ARPC1A: variants seen among roughly 807,000 people sequenced by gnomAD.
ARPC1A encodes the protein actin related protein 2/3 complex subunit 1A, also known as actin-related protein 2/3 complex subunit 1A.
A neutral mutation model predicts 46.9 loss-of-function variants in ARPC1A; 8 were observed. The ratio of observed to expected loss-of-function variants is 0.17; its 90% CI spans 0.10 to 0.31. ARPC1A has a LOEUF of 0.31. Among genes scored for constraint, ARPC1A ranks in the 10% least tolerant of loss-of-function variants. The pLI is 1.00. For synonymous variants in ARPC1A, 152 were observed against 169.0 expected, an observed-to-expected ratio of 0.90 and a Z score of 0.78; for missense variants, 286 against 483.6, an observed-to-expected ratio of 0.59 and a Z score of 3.83.
intron 5 of ARPC1A, among the ~76,000 whole-genome samples, chr7:99,349,273 G>A (rs1031183534): frequency 1.3e-5 from 2 of 151,974 alleles, no homozygotes; most frequent in Non-Finnish European, 2.9e-5. Flanking sequence ...ACATTGCCCA[G>A]GTTGGTCTTG....
chr7:99,358,880 G>A (rs577658204), intron 7 of ARPC1A: 173 of 151,142 alleles, frequency 1.1e-3, no homozygotes, highest in Admixed American at 2.1e-3. Flanking sequence ...CGCCCAGGCT[G>A]GAGGGCAGTG....
chr7:99,363,499 T>A (rs773243765), intron 8 of ARPC1A, 44 bp from the exon 9 acceptor site: 7 of 1,404,844 alleles, frequency 5.0e-6, no homozygotes, highest in Non-Finnish European at 7.0e-6. Context: ...TGTGTTCACT[T>A]CCACTACATA....
chr7:99,342,533 A>G (rs1793371909), intron 3 of ARPC1A, among the ~76,000 whole-genome samples: 1 of 151,854 alleles, frequency 6.6e-6, no homozygotes, highest in Admixed American at 6.6e-5. Context: ...TGATAAAGTG[A>G]GACCCTGTCT....
intron 4 of ARPC1A, among the ~76,000 whole-genome samples, chr7:99,344,998 CGATCAT>C (rs1288159934): frequency 1.5e-5 from 2 of 131,618 alleles, no homozygotes; most frequent in African/African-American, 6.0e-5. Context: ...CGCAGTGACA[CGATCAT>C]GGCTCACTGC....
intron 5 of ARPC1A, among the ~76,000 whole-genome samples, chr7:99,352,611 C>G (rs552313704): frequency 6.7e-6 from 1 of 149,786 alleles, no homozygotes; most frequent in South Asian, 2.1e-4. Context: ...TTTGATCACA[C>G]CACTACACTC....
chr7:99,348,942 A>C lies in ARPC1A; in HGVS notation c.483A>C (p.Ser161=). ...HPNNVLLAAG[S]CDFKCRVFSA... ...ACAACGTTTTGCTGGCAGCAGGATC[A>C]TGTGACTTCAAATGCAGGTGGGAAC... is the stretch of plus-strand genomic sequence containing the variant. The change falls in exon 5 of 10, where the codon TCA becomes TCC. Residue 161 remains serine, a synonymous_variant. Coordinates refer to ENST00000262942, the MANE Select transcript of ARPC1A (RefSeq NM_006409.4). The C allele has an allele frequency of 6.8e-6, 11 of 1,613,994 alleles. No homozygotes were observed. Among genetic ancestry groups the C allele is most frequent in the Non-Finnish European group, 9.3e-6 (11 of 1,179,882 alleles).
chr7:99,342,994 C>T (rs891166534), intron 3 of ARPC1A, among the ~76,000 whole-genome samples: 7 of 151,982 alleles, frequency 4.6e-5, no homozygotes, highest in East Asian at 1.9e-4. Context: ...AGAGCCACCG[C>T]GCCCGGCCTA....
At chr7:99,359,113 G>A (rs917395580) in intron 7 of ARPC1A, among the ~76,000 whole-genome samples, 8 of 150,808 alleles carry the variant, frequency 5.3e-5, no homozygotes, top group African/African-American at 1.7e-4. Context: ...TTACAGGTGT[G>A]AGCCACCGTG....
At chr7:99,353,119 TTATGTTATGTTATG>T (rs1793573446) in intron 5 of ARPC1A, among the ~76,000 whole-genome samples, 1 of 31,134 alleles carries the variant, frequency 3.2e-5, no homozygotes, top group South Asian at 1.3e-3. Flanking sequence ...TTAGTTTATG[TTATGTTATGTTATG>T]TTATGTTATG....
At chr7:99,358,536 C>CTTTT (rs5886103) in intron 7 of ARPC1A, 121 bp downstream of exon 7, 129 of 319,624 alleles carry the variant, frequency 4.0e-4, no homozygotes, top group South Asian at 7.4e-4. Context: ...ACAGAGCTCA[C>CTTTT]TTTTTTTTTT....
intron 1 of ARPC1A, among the ~76,000 whole-genome samples, chr7:99,328,524 G>C (rs1208860303): frequency 1.3e-5 from 2 of 152,206 alleles, no homozygotes; most frequent in South Asian, 4.1e-4. Context: ...ATGAGATTTA[G>C]AGATATCAAG....
intron 1 of ARPC1A, 75 bp from the exon 2 acceptor site, chr7:99,333,250 C>A (rs1793178392): frequency 6.6e-6 from 6 of 905,162 alleles, no homozygotes; most frequent in Non-Finnish European, 1.1e-5. Context: ...ATCTTAAGAT[C>A]CTCAGGCAAC....
intron 5 of ARPC1A, among the ~76,000 whole-genome samples, chr7:99,351,589 T>C (rs753376570): frequency 7.9e-4 from 120 of 152,330 alleles, no homozygotes; most frequent in Non-Finnish European, 1.3e-3. Context: ...GGTTCTTTCT[T>C]GGCCTTCTAA....
intron 9 of ARPC1A, among the ~76,000 whole-genome samples, chr7:99,364,312 G>T (rs1584389567): frequency 8.5e-6 from 1 of 117,206 alleles, no homozygotes; most frequent in African/African-American, 3.4e-5. Context: ...CGCTCTTGTT[G>T]CCCAGGCTGG....
chr7:99,351,143 T>C (rs1274481992), intron 5 of ARPC1A, among the ~76,000 whole-genome samples: 2 of 152,154 alleles, frequency 1.3e-5, no homozygotes, highest in African/African-American at 4.8e-5. Flanking sequence ...ACCAGAGTCA[T>C]TGGAAAATAG....
intron 3 of ARPC1A, 93 bp downstream of exon 3, chr7:99,338,378 ATTTTTTTTTT>A (rs754747240): frequency 1.2e-5 from 3 of 242,132 alleles, no homozygotes; most frequent in Non-Finnish European, 2.0e-5. Flanking sequence ...GGTGGCCATA[ATTTTTTTTTT>A]TTTTTTTTTT....
At chr7:99,357,037 T>A (rs1315388456) in intron 6 of ARPC1A, among the ~76,000 whole-genome samples, 1 of 152,246 alleles carries the variant, frequency 6.6e-6, no homozygotes, top group Admixed American at 6.5e-5. Context: ...CATTTTTATA[T>A]ACATTTGGTA....
rs1460702509 is a variant in ARPC1A at position 99,338,224 on chromosome 7, G to C, written c.108G>C (p.Lys36Asn). The C allele has an allele frequency of 6.2e-7, 1 of 1,613,494 alleles. No individual in the cohort carries two copies. The highest frequency in any genetic ancestry group is 1.1e-5 in the South Asian group (1 of 90,966). ...SPNNHEVHIY[K>N]KNGSQWVKAH... is the part of the protein sequence containing the mutation. ...ATAATCACGAAGTGCACATCTATAA[G>C]AAGAACGGGAGCCAGTGGGTGAAAG... The change falls in exon 3 of 10, where the codon AAG (lysine) becomes AAC (asparagine). Residue 36 changes from lysine (K) to asparagine (N), a missense_variant. This residue lies in a region of ARPC1A where 55 missense variants were observed against 59.4 expected (regional missense o/e 0.93). Coordinates refer to ENST00000262942, the MANE Select transcript of ARPC1A (RefSeq NM_006409.4).
chr7:99,348,729 TA>T, intron 4 of ARPC1A, 122 bp from the exon 5 acceptor site: 1 of 550,824 alleles, frequency 1.8e-6, no homozygotes, highest in Non-Finnish European at 3.1e-6. Flanking sequence ...AATTGTTTTA[TA>T]ATTTTTTTTT....
Sources: allele counts gnomAD v4.1 joint callset (sites outside exome capture counted in the v4.1 genomes callset), GRCh38; gene constraint gnomAD v4.1.1; regional missense constraint gnomAD v4.1.1; transcripts MANE v1.5; gene names NCBI Gene and HGNC (gene_info 2026-07-23, HGNC 2026-07-21).